Variants in RAP1GDS1 observed in about 807,000 individuals in gnomAD.
The protein encoded by RAP1GDS1 is RAP1, GTP-GDP dissociation stimulator 1.
RAP1GDS1 carries 35 observed loss-of-function variants against 71.1 expected under a neutral mutation model. The observed-to-expected ratio is 0.49, with a 90% confidence interval of 0.38 to 0.65. RAP1GDS1 has a LOEUF of 0.65. Among genes scored for constraint, RAP1GDS1 ranks in the 30% least tolerant of loss-of-function variants. The pLI is 0.00. For missense variants in RAP1GDS1, 663 were observed against 706.1 expected (o/e 0.94, Z 0.69); for synonymous variants, 229 against 243.1 (o/e 0.94, Z 0.54).
intron 4 of RAP1GDS1, among the ~76,000 whole-genome samples, chr4:98,352,928 C>A (rs1342808706): frequency 2.0e-5 from 3 of 152,184 alleles, no homozygotes; most frequent in African/African-American, 7.2e-5. Flanking sequence ...AATATTATCT[C>A]TGAATGGGAA....
rs145307814 is a variant in RAP1GDS1, at chr4:98,272,230, G to A, written c.4+10661G>A. ...GCATTTTAAATAATTATTACTAGGC[G>A]CAAACACATCTTTATTAATCAAAAT... On this transcript the variant is annotated intron_variant, in intron 1 of 14. Coordinates refer to ENST00000408927, the MANE Select transcript of RAP1GDS1 (RefSeq NM_001100427.2). Among the ~76,000 whole-genome samples, 11 of 152,250 alleles carry A rather than the reference G, an allele frequency of 7.2e-5. No homozygotes were observed. The East Asian group carries it at 7.7e-4, about 11-fold the overall frequency.
intron 6 of RAP1GDS1, among the ~76,000 whole-genome samples, chr4:98,398,481 G>A (rs1254066838): frequency 6.6e-6 from 1 of 152,100 alleles, no homozygotes; most frequent in East Asian, 1.9e-4. Context: ...GAGGATGGGG[G>A]AAGTAAAGTT....
intron 14 of RAP1GDS1, among the ~76,000 whole-genome samples, chr4:98,441,094 T>A (rs1751799122): frequency 1.3e-5 from 2 of 152,236 alleles, no homozygotes; most frequent in Admixed American, 1.3e-4. Flanking sequence ...TTTGTTCATT[T>A]TCAAGATTGT....
intron 7 of RAP1GDS1, among the ~76,000 whole-genome samples, chr4:98,415,715 G>C (rs745566472): frequency 2.0e-5 from 3 of 152,156 alleles, no homozygotes; most frequent in Non-Finnish European, 4.4e-5. Flanking sequence ...TAATTGGGAT[G>C]TAAATTCTGT....
rs531587469 is a variant in RAP1GDS1 at position 98,298,859 on chromosome 4, C to T, written c.112+5344C>T. ...GAAAACCTGGAAAGGATTTACCATT[C>T]TAGATGCCATTAAGAATATTCATGA... On this transcript the variant is annotated intron_variant, in intron 2 of 14. Transcript: ENST00000408927. Among the ~76,000 whole-genome samples the T allele has an allele frequency of 1.2e-4, 18 of 152,222 alleles. No homozygotes were observed. The South Asian group carries it at 3.7e-3, about 32-fold the overall frequency.
chr4:98,283,817 A>ATTTTTTTTTTTTTTT (rs10582639), intron 1 of RAP1GDS1, among the ~76,000 whole-genome samples: 9 of 133,966 alleles, frequency 6.7e-5, no homozygotes, highest in Non-Finnish European at 1.1e-4. Context: ...TTTCATTGTG[A>ATTTTTTTTTTTTTTT]TTTTTTTTTT....
At chr4:98,349,376 A>G (rs918884317) in intron 3 of RAP1GDS1, among the ~76,000 whole-genome samples, 7 of 152,098 alleles carry the variant, frequency 4.6e-5, no homozygotes, top group African/African-American at 1.7e-4. Context: ...GTAGCCTTGT[A>G]GTATAGTTTG....
intron 7 of RAP1GDS1, 112 bp downstream of exon 7, chr4:98,404,714 ATGTTT>A (rs1383413587): frequency 1.5e-6 from 2 of 1,316,074 alleles, no homozygotes; most frequent in African/African-American, 3.0e-5. Flanking sequence ...TATTAGTGAT[ATGTTT>A]TATTTTGCAT....
At chr4:98,279,492 G>A (rs1188932109) in intron 1 of RAP1GDS1, among the ~76,000 whole-genome samples, 6 of 150,716 alleles carry the variant, frequency 4.0e-5, no homozygotes, top group African/African-American at 1.2e-4. Flanking sequence ...AAAAAAACAG[G>A]AATTGAACTT....
At chr4:98,346,662 AG>A (rs1205961679) in intron 3 of RAP1GDS1, among the ~76,000 whole-genome samples, 1 of 151,798 alleles carries the variant, frequency 6.6e-6, no homozygotes, top group East Asian at 1.9e-4. Flanking sequence ...CTCCTGCCTC[AG>A]CCCCCTGAGT....
intron 1 of RAP1GDS1, among the ~76,000 whole-genome samples, chr4:98,285,240 A>C (rs1399112638): frequency 1.3e-5 from 2 of 152,200 alleles, no homozygotes; most frequent in African/African-American, 4.8e-5. Context: ...TTTCATTTCA[A>C]ATGAAGATAG....
chr4:98,346,047 C>T (rs1017641900), intron 3 of RAP1GDS1, among the ~76,000 whole-genome samples: 1 of 152,190 alleles, frequency 6.6e-6, no homozygotes, highest in African/African-American at 2.4e-5. Context: ...ATTCTTGGAT[C>T]CACTCACCCA....
intron 7 of RAP1GDS1, among the ~76,000 whole-genome samples, chr4:98,412,497 G>A (rs1328278967): frequency 6.6e-6 from 1 of 152,128 alleles, no homozygotes; most frequent in African/African-American, 2.4e-5. Flanking sequence ...CCTGGGCAAC[G>A]GAGCGAGACA....
chr4:98,283,881 A>G (rs1338748416), intron 1 of RAP1GDS1, among the ~76,000 whole-genome samples: 1 of 151,016 alleles, frequency 6.6e-6, no homozygotes, highest in Non-Finnish European at 1.5e-5. Flanking sequence ...ACCTAGTACA[A>G]CTAGCTAACG....
chr4:98,320,749 T>C (rs1307476540), intron 2 of RAP1GDS1, among the ~76,000 whole-genome samples: 2 of 150,642 alleles, frequency 1.3e-5, no homozygotes, highest in African/African-American at 4.9e-5. Context: ...AGAAAGGACA[T>C]CCACACCAAA....
In RAP1GDS1 at chr4:98,392,083, A is replaced by G. The variant is rs757655758; in HGVS notation, c.637+3A>G. 15 of 1,610,984 alleles carry G rather than the reference A, an allele frequency of 9.3e-6. No individual in the cohort carries two copies. Among genetic ancestry groups the G allele is most frequent in the Non-Finnish European group, 1.1e-5 (13 of 1,178,618 alleles). On this transcript the variant is annotated splice_donor_region_variant and intron_variant, in intron 6 of 14. Coordinates refer to ENST00000408927, the MANE Select transcript of RAP1GDS1 (RefSeq NM_001100427.2). Reference sequence around the variant, plus strand: ...ATTTGGTAATTTAGCAGAACTTGGTAAGTCTTAGTCATGAACCACAAATGT... The same window carrying G: ...ATTTGGTAATTTAGCAGAACTTGGTGAGTCTTAGTCATGAACCACAAATGT...
At chr4:98,358,869 G>A (rs1560897316) in intron 4 of RAP1GDS1, among the ~76,000 whole-genome samples, 1 of 151,772 alleles carries the variant, frequency 6.6e-6, no homozygotes, top group Non-Finnish European at 1.5e-5. Context: ...CTGGATAAAG[G>A]GTACATGAGA....
intron 3 of RAP1GDS1, among the ~76,000 whole-genome samples, chr4:98,346,807 G>A (rs992604467): frequency 6.6e-6 from 1 of 152,186 alleles, no homozygotes; most frequent in Admixed American, 6.5e-5. Flanking sequence ...GTCTCCCAAA[G>A]TGCTGGGATT....
At chr4:98,318,993 G>A (rs1489669855) in intron 2 of RAP1GDS1, among the ~76,000 whole-genome samples, 3 of 152,130 alleles carry the variant, frequency 2.0e-5, no homozygotes, top group Admixed American at 1.3e-4. Context: ...CTCTGGGGGG[G>A]GAAATGAGGT....
Sources: allele counts gnomAD v4.1 joint callset (sites outside exome capture counted in the v4.1 genomes callset), GRCh38; gene constraint gnomAD v4.1.1; transcripts MANE v1.5; gene names NCBI Gene and HGNC (gene_info 2026-07-23, HGNC 2026-07-21).